Variants in PARD3B observed in about 807,000 individuals in gnomAD.
The protein encoded by PARD3B is partitioning defective 3 homolog B.
In PARD3B, 103 loss-of-function variants were observed where a neutral mutation model predicts 130.2. The ratio of observed to expected loss-of-function variants is 0.79; its 90% CI spans 0.67 to 0.93. The LOEUF (loss-of-function observed/expected upper bound fraction) is 0.93, where lower values mean the gene tolerates loss of function less well. Among genes scored for constraint, PARD3B ranks in the 40% least tolerant of loss-of-function variants. The pLI is 0.00. For missense variants in PARD3B, 1,609 were observed against 1,499.2 expected (o/e 1.07, Z -1.21); for synonymous variants, 583 against 553.2 (o/e 1.05, Z -0.76).
chr2:205,362,679 C>T, intron 18 of PARD3B, among the ~76,000 whole-genome samples: 1 of 152,200 alleles, frequency 6.6e-6, no homozygotes, highest in Non-Finnish European at 1.5e-5. Context: ...CAGTCACCTT[C>T]ATTAGCTTGT....
At chr2:205,392,493 T>C (rs2045893518) in intron 18 of PARD3B, among the ~76,000 whole-genome samples, 2 of 152,174 alleles carry the variant, frequency 1.3e-5, no homozygotes, top group South Asian at 2.1e-4. Flanking sequence ...TGTCATCATC[T>C]TGGAAACATA....
chr2:205,217,354 T>A (rs1181496431), intron 15 of PARD3B, among the ~76,000 whole-genome samples: 2 of 152,240 alleles, frequency 1.3e-5, no homozygotes, highest in Non-Finnish European at 1.5e-5. Context: ...GAGACTATTA[T>A]TTTAATTTTG....
chr2:204,938,174 G>GAAA (rs573654757), intron 2 of PARD3B, among the ~76,000 whole-genome samples: 8 of 152,132 alleles, frequency 5.3e-5, no homozygotes, highest in Non-Finnish European at 8.8e-5. Flanking sequence ...ATTAAAGGGG[G>GAAA]AAAAAAGTCA....
intron 18 of PARD3B, among the ~76,000 whole-genome samples, chr2:205,330,178 T>TA (rs1248724457): frequency 6.7e-6 from 1 of 149,594 alleles, no homozygotes; most frequent in Non-Finnish European, 1.5e-5. Flanking sequence ...CTGTCTCTAC[T>TA]AAAAATACAG....
At chr2:205,033,375 G>GA (rs1336747564) in intron 3 of PARD3B, among the ~76,000 whole-genome samples, 1 of 151,846 alleles carries the variant, frequency 6.6e-6, no homozygotes, top group Non-Finnish European at 1.5e-5. Flanking sequence ...CTCAATACTT[G>GA]AAAAAAATGC....
At chr2:204,588,480 C>T (rs1402617830) in intron 1 of PARD3B, among the ~76,000 whole-genome samples, 1 of 152,140 alleles carries the variant, frequency 6.6e-6, no homozygotes, top group African/African-American at 2.4e-5. Context: ...AACTATTCCC[C>T]CCACTTTGAT....
intron 2 of PARD3B, among the ~76,000 whole-genome samples, chr2:204,710,919 G>A (rs930933368): frequency 3.9e-5 from 6 of 152,186 alleles, no homozygotes; most frequent in Admixed American, 6.5e-5. Context: ...CTAGCCCAGA[G>A]GATGTTGAAA....
In PARD3B at chr2:205,446,056, G is replaced by A. The variant is rs1318825342; in HGVS notation, c.3044+5384G>A. ...TGTGGAAAGTGCAGCCGAAGAGTAA[G>A]TGCAGGGTACTGTTTGGGGCCAGGC... is the stretch of plus-strand genomic sequence containing the variant. On this transcript the variant is annotated intron_variant, in intron 20 of 22. Transcript: ENST00000406610. The surrounding 1 kb of genome is among the most constrained non-coding windows in gnomAD (Gnocchi z 4.4). Among the ~76,000 whole-genome samples, 2 of 152,146 alleles carry A rather than the reference G, an allele frequency of 1.3e-5. No individual in the cohort carries two copies. The highest frequency in any genetic ancestry group is 2.9e-5 in the Non-Finnish European group (2 of 68,030).
chr2:204,601,637 T>C (rs984154524), intron 1 of PARD3B, among the ~76,000 whole-genome samples: 1 of 151,822 alleles, frequency 6.6e-6, no homozygotes, highest in African/African-American at 2.4e-5. Flanking sequence ...ACAATCAATG[T>C]AGAGCTTAAG....
Position 204,755,975 on chromosome 2 carries a change from A to T in PARD3B, c.222+69693A>T, listed in dbSNP as rs573255787. ...GGGCAAGAGTAGCATTGCTATGTAT[A>T]TAAGAGTTTACCTGGATACTTGTCT... On this transcript the variant is annotated intron_variant, in intron 2 of 22. Coordinates refer to ENST00000406610, the MANE Select transcript of PARD3B (RefSeq NM_001302769.2). Among the ~76,000 whole-genome samples, 9 of 152,240 alleles carry T rather than the reference A, an allele frequency of 5.9e-5. No individual in the cohort carries two copies. The South Asian group carries it at 1.7e-3, about 28-fold the overall frequency.
At chr2:205,177,793 G>T (rs2035553883) in intron 13 of PARD3B, among the ~76,000 whole-genome samples, 1 of 152,110 alleles carries the variant, frequency 6.6e-6, no homozygotes. Flanking sequence ...CAATTTGCCT[G>T]CAGACTCAAA....
At chr2:204,857,125 T>A in intron 2 of PARD3B, among the ~76,000 whole-genome samples, 1 of 152,286 alleles carries the variant, frequency 6.6e-6, no homozygotes, top group Non-Finnish European at 1.5e-5. Context: ...AAATTCATAT[T>A]ATTATCTGTT....
At chr2:204,879,286 A>G (rs1388071172) in intron 2 of PARD3B, among the ~76,000 whole-genome samples, 2 of 152,186 alleles carry the variant, frequency 1.3e-5, no homozygotes, top group South Asian at 4.1e-4. Context: ...GGCAACCCAC[A>G]AAGTGTAGTT....
intron 2 of PARD3B, among the ~76,000 whole-genome samples, chr2:204,813,032 A>G (rs181612898): frequency 7.2e-5 from 11 of 152,322 alleles, no homozygotes. Flanking sequence ...TTATTTGTGT[A>G]TAAATCTTTT....
intron 1 of PARD3B, among the ~76,000 whole-genome samples, chr2:204,624,493 A>G (rs1441789002): frequency 6.6e-6 from 1 of 152,218 alleles, no homozygotes; most frequent in Non-Finnish European, 1.5e-5. Flanking sequence ...TTAAATCAGA[A>G]TCTTGAAAAG....
chr2:205,342,024 C>G (rs1294101609), intron 18 of PARD3B, among the ~76,000 whole-genome samples: 1 of 152,054 alleles, frequency 6.6e-6, no homozygotes, highest in Non-Finnish European at 1.5e-5. Flanking sequence ...TTAAAAATTA[C>G]TCATTGTTCC....
chr2:205,279,939 T>G (rs2041124952), intron 16 of PARD3B, among the ~76,000 whole-genome samples: 1 of 152,126 alleles, frequency 6.6e-6, no homozygotes. Context: ...AAAATAAGTA[T>G]CCCTATTTTA....
chr2:205,493,334 C>G (rs1450186409), intron 20 of PARD3B, among the ~76,000 whole-genome samples: 1 of 152,044 alleles, frequency 6.6e-6, no homozygotes, highest in Non-Finnish European at 1.5e-5. Flanking sequence ...GAACACTCCC[C>G]CTGTGGAAGA....
intron 16 of PARD3B, among the ~76,000 whole-genome samples, chr2:205,296,020 A>G (rs1217098306): frequency 6.6e-6 from 1 of 152,210 alleles, no homozygotes; most frequent in Non-Finnish European, 1.5e-5. Context: ...TGTAGAACGC[A>G]TGATCATATT....
Sources: allele counts gnomAD v4.1 joint callset (sites outside exome capture counted in the v4.1 genomes callset), GRCh38; gene constraint gnomAD v4.1.1; non-coding constraint Gnocchi (gnomAD v3.1); transcripts MANE v1.5; gene names NCBI Gene and HGNC (gene_info 2026-07-23, HGNC 2026-07-21).